Variants in DCC observed in about 807,000 individuals in gnomAD.
DCC encodes the protein netrin receptor DCC.
DCC carries 58 observed loss-of-function variants against 172.5 expected under a neutral mutation model. The ratio of observed to expected loss-of-function variants is 0.34; its 90% CI spans 0.27 to 0.42. The LOEUF (loss-of-function observed/expected upper bound fraction) is 0.42. DCC is among the 10% of genes least tolerant of loss of function. The probability of loss-of-function intolerance (pLI) is 1.00; values close to 1 mark genes in which losing one functional copy is unlikely to be tolerated. For synonymous variants in DCC, 709 were observed against 644.5 expected (o/e 1.10, Z -1.52); for missense variants, 1,740 against 1,791.0 (o/e 0.97, Z 0.51).
intron 13 of DCC, among the ~76,000 whole-genome samples, chr18:53,316,654 T>G (rs942979773): frequency 6.6e-6 from 1 of 152,186 alleles, no homozygotes; most frequent in African/African-American, 2.4e-5. Context: ...TTTGTAGTTC[T>G]CCTTGAAGAC....
At chr18:53,194,534 A>G (rs907580102) in intron 9 of DCC, among the ~76,000 whole-genome samples, 4 of 151,876 alleles carry the variant, frequency 2.6e-5, no homozygotes, top group Non-Finnish European at 5.9e-5. Flanking sequence ...CAATGGCACA[A>G]TCTTGGCTCA....
chr18:52,957,876 T>C (rs1215068312), intron 5 of DCC, among the ~76,000 whole-genome samples: 2 of 152,104 alleles, frequency 1.3e-5, no homozygotes, highest in Admixed American at 1.3e-4. Flanking sequence ...AACACCAAGA[T>C]GTCATGGATA....
chr18:52,963,824 T>A (rs977539454), intron 5 of DCC, among the ~76,000 whole-genome samples: 1 of 132,144 alleles, frequency 7.6e-6, no homozygotes, highest in South Asian at 2.2e-4. Flanking sequence ...TCTGATTATC[T>A]CTAGTTTTTT....
intron 12 of DCC, among the ~76,000 whole-genome samples, chr18:53,217,761 G>A (rs1253841065): frequency 2.0e-5 from 3 of 151,900 alleles, no homozygotes; most frequent in Non-Finnish European, 4.4e-5. Context: ...CCATTTCAAG[G>A]GGCAAACTGT....
At chr18:52,843,068 T>C (rs1324211306) in intron 2 of DCC, among the ~76,000 whole-genome samples, 1 of 152,168 alleles carries the variant, frequency 6.6e-6, no homozygotes, top group Admixed American at 6.5e-5. Flanking sequence ...GGATTTGAGT[T>C]ATAAATGTTA....
chr18:52,424,523 T>A (rs1046820644), intron 1 of DCC, among the ~76,000 whole-genome samples: 2 of 152,190 alleles, frequency 1.3e-5, no homozygotes, highest in Non-Finnish European at 2.9e-5. Flanking sequence ...AAGTAGGGCA[T>A]GGTTTTTCTC....
chr18:52,976,584 G>A (rs766814781), intron 5 of DCC, among the ~76,000 whole-genome samples: 2 of 152,122 alleles, frequency 1.3e-5, no homozygotes, highest in African/African-American at 2.4e-5. Context: ...TTCCATCCAT[G>A]ACAACATTTA....
chr18:53,058,105 A>G (rs1463038255), intron 5 of DCC, among the ~76,000 whole-genome samples: 1 of 152,126 alleles, frequency 6.6e-6, no homozygotes, highest in East Asian at 1.9e-4. Context: ...AATGTGCTGA[A>G]GAAATATATC....
intron 5 of DCC, among the ~76,000 whole-genome samples, chr18:52,951,352 G>C (rs1314606759): frequency 6.6e-6 from 1 of 152,044 alleles, no homozygotes; most frequent in Admixed American, 6.6e-5. Flanking sequence ...TGCCACGGTG[G>C]TTTGCTGCAC....
At chr18:52,770,642 G>A (rs1399785809) in intron 2 of DCC, among the ~76,000 whole-genome samples, 4 of 152,134 alleles carry the variant, frequency 2.6e-5, no homozygotes, top group African/African-American at 9.7e-5. Context: ...GAACTGCAGA[G>A]CCAAGGAGCT....
At chr18:52,523,720 C>T (rs933092086) in intron 1 of DCC, among the ~76,000 whole-genome samples, 7 of 152,164 alleles carry the variant, frequency 4.6e-5, no homozygotes, top group Admixed American at 3.9e-4. Context: ...GTGAATTATG[C>T]ATTAACATAT....
intron 24 of DCC, among the ~76,000 whole-genome samples, chr18:53,461,422 G>C (rs1482152834): frequency 6.6e-6 from 1 of 151,864 alleles, no homozygotes; most frequent in Non-Finnish European, 1.5e-5. Flanking sequence ...TAGGTCTAAC[G>C]TTTAAGTCCT....
At chr18:53,490,130 T>G (rs111850280) in intron 26 of DCC, among the ~76,000 whole-genome samples, 1,736 of 152,226 alleles carry the variant, frequency 0.011, 40 homozygotes, top group African/African-American at 0.04. Context: ...GCCTCTGTTC[T>G]CCCTCAAATG....
intron 27 of DCC, among the ~76,000 whole-genome samples, chr18:53,513,161 AT>A (rs1350146571): frequency 6.6e-6 from 1 of 152,066 alleles, no homozygotes; most frequent in Non-Finnish European, 1.5e-5. Context: ...AATATTCAAC[AT>A]TCTTAAAGAA....
chr18:53,468,529 T>C (rs150222387), intron 25 of DCC, among the ~76,000 whole-genome samples: 2,613 of 151,980 alleles, frequency 0.017, 72 homozygotes, highest in African/African-American at 0.059. Context: ...ACTACAGGCA[T>C]GCACCACCAT....
intron 1 of DCC, among the ~76,000 whole-genome samples, chr18:52,555,530 A>G (rs2032893612): frequency 6.6e-6 from 1 of 152,116 alleles, no homozygotes; most frequent in East Asian, 1.9e-4. Context: ...AATGAACTAG[A>G]TGATCTATTC....
At chr18:52,656,011 T>C (rs796066956) in intron 1 of DCC, among the ~76,000 whole-genome samples, 9 of 104,138 alleles carry the variant, frequency 8.6e-5, no homozygotes, top group South Asian at 3.6e-4. Context: ...CGTATATATA[T>C]ATGTGTGTAT....
chr18:52,397,744 C>A (rs1986285021), intron 1 of DCC, among the ~76,000 whole-genome samples: 1 of 151,874 alleles, frequency 6.6e-6, no homozygotes, highest in Non-Finnish European at 1.5e-5. Context: ...TTAGAGTCTG[C>A]CAGTGGTATT....
At chr18:52,893,405 T>C (rs1445118961) in intron 2 of DCC, among the ~76,000 whole-genome samples, 1 of 152,076 alleles carries the variant, frequency 6.6e-6, no homozygotes. Flanking sequence ...AGAAGAAAAA[T>C]AGGAACTTGG....
Sources: gnomAD v4.1 joint callset for allele counts (sites outside exome capture counted in the v4.1 genomes callset) on GRCh38, gnomAD v4.1.1 for gene constraint, MANE v1.5 for transcripts, NCBI Gene and HGNC (gene_info 2026-07-23, HGNC 2026-07-21) for gene names.